Variants in EPHA2 observed in about 807,000 individuals in gnomAD.
EPHA2 encodes EPH receptor A2.
In EPHA2, 54 loss-of-function variants were observed where a neutral mutation model predicts 104.9. The observed-to-expected ratio is 0.51, with a 90% CI of 0.41 to 0.65. The LOEUF is 0.65. EPHA2 is among the 30% of genes least tolerant of loss of function. The pLI is 0.00. For missense variants in EPHA2, 1,117 were observed against 1,369.5 expected, an observed-to-expected ratio of 0.82 and a Z score of 2.91; for synonymous variants, 560 against 559.1, an observed-to-expected ratio of 1.00 and a Z score of -0.02.
Position 16,156,003 on chromosome 1 carries a change from C to T in EPHA2, c.-71G>A. Reference sequence around the variant, plus strand: ...GCACACCCGCACGCCTGCACGCCGGCCTCGGTGTCCGCTCCCGCCCGCCGG... The same window carrying T: ...GCACACCCGCACGCCTGCACGCCGGTCTCGGTGTCCGCTCCCGCCCGCCGG... On this transcript the variant is annotated 5_prime_UTR_variant, in exon 1 of 17. Coordinates refer to ENST00000358432, the MANE Select transcript of EPHA2 (RefSeq NM_004431.5). The T allele has an allele frequency of 7.6e-7, 1 of 1,312,158 alleles. No homozygotes were observed. Among genetic ancestry groups the T allele is most frequent in the Non-Finnish European group, 9.9e-7 (1 of 1,005,202 alleles). 81.3% of individuals were successfully genotyped at this position (1,312,158 alleles called of 1,614,324 possible). A position where few individuals can be genotyped will look rare whatever the true frequency, so the allele number is the denominator to read the frequency against.
chr1:16,137,841 C>T lies in EPHA2; in HGVS notation c.1312+12G>A, dbSNP rs766601279. 7 of 1,613,474 alleles carry T rather than the reference C, an allele frequency of 4.3e-6. No homozygotes were observed. Among genetic ancestry groups the T allele is most frequent in the Non-Finnish European group, 5.9e-6 (7 of 1,179,868 alleles). ...GGCCCCATAGGGCACAGCTGCCACC[C>T]CTGGACCTCACCTGTCTGGTTGATG... On this transcript the variant is annotated intron_variant, in intron 5 of 16. Transcript: ENST00000358432.
rs371624563 is a variant in EPHA2 at position 16,136,982 on chromosome 1, T to C, written c.1312+871A>G. 7.9e-5 allele frequency among the ~76,000 whole-genome samples: 12 copies of C among 151,820 alleles called. No homozygotes were observed. In the East Asian group the frequency reaches 2.2e-3, roughly 28 times the overall value. On this transcript the variant is annotated intron_variant, in intron 5 of 16. Coordinates refer to ENST00000358432, the MANE Select transcript of EPHA2 (RefSeq NM_004431.5). ...CCCAGCTAATTTTTTGTATTTTTAG[T>C]AGAGATGGGGTTTCTCCATGTTGGT...
rs961611501 is a variant in EPHA2 at position 16,134,264 on chromosome 1, G to C, written c.1682+204C>G. Reference sequence around the variant, plus strand: ...CATCATTAATAACAACAAGAGCAGAGGTAATGACCCCCGTGTCCCGGCCCC... The same window carrying C: ...CATCATTAATAACAACAAGAGCAGACGTAATGACCCCCGTGTCCCGGCCCC... On this transcript the variant is annotated intron_variant, in intron 8 of 16. Coordinates refer to ENST00000358432, the MANE Select transcript of EPHA2 (RefSeq NM_004431.5). The surrounding 1 kb of genome is among the most constrained non-coding windows in gnomAD (Gnocchi z 4.5). Among the ~76,000 whole-genome samples the C allele has an allele frequency of 2.0e-5, 3 of 151,884 alleles. No homozygotes were observed. Among genetic ancestry groups the C allele is most frequent in the Admixed American group, 1.3e-4 (2 of 15,270 alleles).
At position 16,155,990 on chromosome 1, in the gene EPHA2, G is replaced by C. The variant is rs2124283934; in HGVS notation, c.-58C>G. 4.4e-6 allele frequency: 6 copies of C among 1,376,290 alleles called. No individual in the cohort carries two copies. The South Asian group carries it at 7.4e-5, about 17-fold the overall frequency. 85.3% of individuals were successfully genotyped at this position (1,376,290 alleles called of 1,614,324 possible). ...GAGCCCGGCTCCCGCACACCCGCAC[G>C]CCTGCACGCCGGCCTCGGTGTCCGC... On this transcript the variant is annotated 5_prime_UTR_variant, in exon 1 of 17. Transcript: ENST00000358432.
Position 16,135,639 on chromosome 1 carries a change from C to T in EPHA2, c.1428+16G>A, listed in dbSNP as rs199848209. On this transcript the variant is annotated intron_variant, in intron 6 of 16. Transcript: ENST00000358432. The surrounding 1 kb of genome is among the most constrained non-coding windows in gnomAD (Gnocchi z 4.3). ...GTCGGCCCAGCTAGAGCCAGCCCCG[C>T]CCCTCTGGGAGTTACCTTCTTGCGG... 5.6e-4 allele frequency: 905 copies of T among 1,612,026 alleles called. 2 individuals carry two copies. The Middle Eastern group carries it at 7.8e-3, about 14-fold the overall frequency.
intron 16 of EPHA2, among the ~76,000 whole-genome samples, chr1:16,127,939 G>A (rs2024500173): frequency 6.6e-6 from 1 of 152,214 alleles, no homozygotes; most frequent in Non-Finnish European, 1.5e-5. Context: ...TTTCCCATAA[G>A]CACTTCTCCG....
chr1:16,136,740 G>GAAGA (rs1287583244), intron 5 of EPHA2, among the ~76,000 whole-genome samples: 5 of 146,050 alleles, frequency 3.4e-5, no homozygotes, highest in Admixed American at 3.4e-4. Flanking sequence ...AGAAGAAGAA[G>GAAGA]AAGAAGAAGA....
intron 5 of EPHA2, among the ~76,000 whole-genome samples, chr1:16,136,719 G>GAAGAAGAA (rs1310510728): frequency 2.6e-5 from 3 of 116,942 alleles, no homozygotes; most frequent in Non-Finnish European, 5.5e-5. Flanking sequence ...AAGAAAAGAA[G>GAAGAAGAA]AAGAAGAAGA....
rs767477209 is a variant in EPHA2 at position 16,148,822 on chromosome 1, C to G, written c.379G>C (p.Asp127His). ...TGGAAGTTGGTGCCGTAGTCCAGGT[C>G]CGACTCGGCATAGTAGAGGTTGAAA... ...ETFNLYYAES[D>H]LDYGTNFQKR... Residue 127 changes from aspartate (D) to histidine (H), a missense_variant, in exon 3 of 17, where the codon GAC becomes CAC. Physicochemically the swap from Asp to His is moderately conservative, Grantham distance 81. Transcript: ENST00000358432. This position sits in a 1 kb window ranked among gnomAD's most constrained non-coding sequence, Gnocchi z 4.9. 7 of 1,614,040 alleles carry G rather than the reference C, an allele frequency of 4.3e-6. No homozygotes were observed. The highest frequency in any genetic ancestry group is 5.9e-6 in the Non-Finnish European group (7 of 1,180,044).
chr1:16,148,832 A>G lies in EPHA2; in HGVS notation c.369T>C (p.Tyr123=). The G allele has an allele frequency of 6.2e-7, 1 of 1,614,158 alleles. No individual in the cohort carries two copies. The highest frequency in any genetic ancestry group is 2.2e-5 in the East Asian group (1 of 44,896). ...SSCKETFNLY[Y]AESDLDYGTN... ...TGCCGTAGTCCAGGTCCGACTCGGC[A>G]TAGTAGAGGTTGAAAGTCTCCTTGC... Residue 123 remains tyrosine, a synonymous_variant, in exon 3 of 17, where the codon TAT becomes TAC. Coordinates refer to ENST00000358432, the MANE Select transcript of EPHA2 (RefSeq NM_004431.5). This position sits in a 1 kb window ranked among gnomAD's most constrained non-coding sequence, Gnocchi z 4.9.
In EPHA2 at chr1:16,132,392, C is replaced by T; in HGVS notation, c.2101G>A (p.Asp701Asn). 1.2e-6 allele frequency: 2 copies of T among 1,614,140 alleles called. No individual in the cohort carries two copies. The highest frequency in any genetic ancestry group is 1.7e-6 in the Non-Finnish European group (2 of 1,180,022). The change falls in exon 12 of 17, where the codon GAC becomes AAC. Residue 701 changes from aspartate to asparagine, a missense_variant. Asp to Asn is a conservative substitution (Grantham distance 23, BLOSUM62 1). Transcript: ENST00000358432. ...CACATCCTTACCCGAAGGAACTTGT[C>T]CAGGGCCCCATTCTCCATGTACTCA... ...ITEYMENGAL[D>N]KFLREKDGEF...
chr1:16,150,983 G>C lies in EPHA2; in HGVS notation c.86-20C>G. ...GTACCACTGAAAGGGAGAAGGGAGA[G>C]GGGGTGAGCCTGGGGGTGTCTTCAG... On this transcript the variant is annotated intron_variant, in intron 1 of 16. Transcript: ENST00000358432. This position sits in a 1 kb window ranked among gnomAD's most constrained non-coding sequence, Gnocchi z 4.8. 3.7e-6 allele frequency: 6 copies of C among 1,613,754 alleles called. No homozygotes were observed. Among genetic ancestry groups the C allele is most frequent in the African/African-American group, 1.3e-5 (1 of 75,024 alleles).
chr1:16,130,747 C>T lies in EPHA2; in HGVS notation c.2476-328G>A, dbSNP rs1175639380. Among the ~76,000 whole-genome samples, 3 of 152,078 alleles carry T rather than the reference C, an allele frequency of 2.0e-5. No individual in the cohort carries two copies. Among genetic ancestry groups the T allele is most frequent in the Non-Finnish European group, 2.9e-5 (2 of 67,994 alleles). On this transcript the variant is annotated intron_variant, in intron 14 of 16. Coordinates refer to ENST00000358432, the MANE Select transcript of EPHA2 (RefSeq NM_004431.5). The surrounding 1 kb of genome is among the most constrained non-coding windows in gnomAD (Gnocchi z 4.5). Reference sequence around the variant, plus strand: ...TGTGCTCAGGTGATCCTCCCACCTCCGCCTCCTGAGTAGCTGAGACTACAG... The same window carrying T: ...TGTGCTCAGGTGATCCTCCCACCTCTGCCTCCTGAGTAGCTGAGACTACAG...
At chr1:16,146,979 C>T (rs1013390664) in intron 3 of EPHA2, among the ~76,000 whole-genome samples, 4 of 152,238 alleles carry the variant, frequency 2.6e-5, no homozygotes, top group Admixed American at 6.5e-5. Context: ...AATTCCTTAA[C>T]GTCCCGCTTA....
chr1:16,141,236 A>G (rs1409825947), intron 3 of EPHA2, among the ~76,000 whole-genome samples: 2 of 152,148 alleles, frequency 1.3e-5, no homozygotes, highest in Non-Finnish European at 2.9e-5. Context: ...CAAACTGGGC[A>G]CTTTTGTGTC....
In EPHA2 at chr1:16,135,860, C is replaced by T. The variant is rs1035515832; in HGVS notation, c.1313-90G>A. On this transcript the variant is annotated intron_variant, in intron 5 of 16. Transcript: ENST00000358432. The surrounding 1 kb of genome is among the most constrained non-coding windows in gnomAD (Gnocchi z 4.3). ...GGACAAGTGGACGTGGAGCCACATC[C>T]TCCACAGCCCAGATTCTTTCATTTT... 1.4e-6 allele frequency: 1 copy of T among 704,682 alleles called. No individual in the cohort carries two copies. The highest frequency in any genetic ancestry group is 2.6e-6 in the Non-Finnish European group (1 of 384,478). 43.7% of individuals were successfully genotyped at this position (704,682 alleles called of 1,614,324 possible). A position where few individuals can be genotyped will look rare whatever the true frequency, so the allele number is the denominator to read the frequency against.
chr1:16,142,703 G>T, intron 3 of EPHA2, among the ~76,000 whole-genome samples: 1 of 139,236 alleles, frequency 7.2e-6, no homozygotes, highest in Non-Finnish European at 1.6e-5. Flanking sequence ...GGTGGGTGGA[G>T]TGGTGGTTGG....
chr1:16,130,522 A>G lies in EPHA2; in HGVS notation c.2476-103T>C. 1 of 1,185,274 alleles carries G rather than the reference A, an allele frequency of 8.4e-7. No individual in the cohort carries two copies. The highest frequency in any genetic ancestry group is 1.2e-6 in the Non-Finnish European group (1 of 869,306). The allele number at this position is 1,185,274 out of a possible 1,614,324, so 73.4% of individuals were successfully genotyped here. A position where few individuals can be genotyped will look rare whatever the true frequency, so the allele number is the denominator to read the frequency against. ...GGCAGGGGAGGGGAGGGGAACAGGA[A>G]CATCCCAGAAACAGACAGGAAGGGC... On this transcript the variant is annotated intron_variant, in intron 14 of 16. Coordinates refer to ENST00000358432, the MANE Select transcript of EPHA2 (RefSeq NM_004431.5). The surrounding 1 kb of genome is among the most constrained non-coding windows in gnomAD (Gnocchi z 4.5).
chr1:16,152,535 G>T (rs1468206283), intron 1 of EPHA2, among the ~76,000 whole-genome samples: 2 of 152,126 alleles, frequency 1.3e-5, no homozygotes, highest in East Asian at 1.9e-4. Flanking sequence ...GCAGGGATTT[G>T]TTCAGACATG....
Sources: gnomAD v4.1 joint callset for allele counts (sites outside exome capture counted in the v4.1 genomes callset) on GRCh38, gnomAD v4.1.1 for gene constraint, Gnocchi (gnomAD v3.1) non-coding constraint, MANE v1.5 for transcripts, NCBI Gene and HGNC (gene_info 2026-07-23, HGNC 2026-07-21) for gene names.